FAM120B: variants seen among roughly 807,000 people sequenced by gnomAD.
FAM120B encodes the protein family with sequence similarity 120 member B.
Under a neutral mutation model 96.3 loss-of-function variants are expected in FAM120B, and 83 were observed. The ratio of observed to expected loss-of-function variants is 0.86; its 90% CI spans 0.72 to 1.03. FAM120B has a LOEUF of 1.03. FAM120B is among the 50% of genes least tolerant of loss of function. The pLI is 0.00. For missense variants in FAM120B, 1,027 were observed against 1,121.2 expected, an observed-to-expected ratio of 0.92 and a Z score of 1.20; for synonymous variants, 407 against 402.7, an observed-to-expected ratio of 1.01 and a Z score of -0.13.
At position 170,315,926 on chromosome 6, in the gene FAM120B, GA is replaced by G. The variant is rs1448866391; in HGVS notation, c.-21-1431del. On this transcript the variant is annotated intron_variant, in intron 1 of 10. Coordinates refer to ENST00000476287, the MANE Select transcript of FAM120B (RefSeq NM_032448.3). ...ACATAGTGAGATCTTGTCTCCACTG[GA>G]AAAAAAAAAAAAGGCCAGGTGTGGT... is the stretch of plus-strand genomic sequence containing the variant. Among the ~76,000 whole-genome samples the G allele has an allele frequency of 5.6e-3, 766 of 137,682 alleles. 2 individuals carry two copies. Among genetic ancestry groups the G allele is most frequent in the African/African-American group, 0.014 (519 of 37,284 alleles). The allele number at this position is 137,682 out of a possible 152,430, so 90.3% of individuals were successfully genotyped here. A position where few individuals can be genotyped will look rare whatever the true frequency, so the allele number is the denominator to read the frequency against.
intron 6 of FAM120B, among the ~76,000 whole-genome samples, chr6:170,386,215 G>T (rs1790178512): frequency 6.6e-6 from 1 of 152,202 alleles, no homozygotes. Context: ...GAAGCAGAGG[G>T]TATGTGGGAA....
intron 1 of FAM120B, among the ~76,000 whole-genome samples, chr6:170,307,796 T>C (rs1166979803): frequency 6.6e-6 from 1 of 152,068 alleles, no homozygotes; most frequent in Non-Finnish European, 1.5e-5. Context: ...AAGGCTTTTG[T>C]CGTCGTTCAG....
intron 9 of FAM120B, among the ~76,000 whole-genome samples, chr6:170,395,865 G>A (rs1229578591): frequency 6.6e-6 from 1 of 152,148 alleles, no homozygotes; most frequent in African/African-American, 2.4e-5. Context: ...GAAGGTACTT[G>A]TAAAGTTTAC....
chr6:170,404,641 A>G (rs1407034143), intron 10 of FAM120B, 40 bp downstream of exon 10: 16 of 1,444,598 alleles, frequency 1.1e-5, no homozygotes, highest in Non-Finnish European at 1.6e-5. Flanking sequence ...AATCAGTCAC[A>G]TGTCTGTCTT....
At chr6:170,360,390 C>T (rs1275385277) in intron 6 of FAM120B, among the ~76,000 whole-genome samples, 1 of 152,132 alleles carries the variant, frequency 6.6e-6, no homozygotes, top group Non-Finnish European at 1.5e-5. Flanking sequence ...ATGTGCACAC[C>T]CTTGCCATGT....
chr6:170,384,898 T>G (rs2115300673), intron 6 of FAM120B, among the ~76,000 whole-genome samples: 1 of 152,314 alleles, frequency 6.6e-6, no homozygotes, highest in South Asian at 2.1e-4. Context: ...CTATGGAGCT[T>G]TAACAAAGCC....
chr6:170,326,457 T>A (rs1299448309), intron 3 of FAM120B, among the ~76,000 whole-genome samples: 2 of 152,216 alleles, frequency 1.3e-5, no homozygotes, highest in Non-Finnish European at 2.9e-5. Flanking sequence ...TTTCAGAATG[T>A]TACATAAATG....
chr6:170,325,945 TCAC>T (rs979133000), intron 3 of FAM120B, among the ~76,000 whole-genome samples: 2 of 152,050 alleles, frequency 1.3e-5, no homozygotes, highest in Admixed American at 6.5e-5. Context: ...ATCTTTAACA[TCAC>T]CATTTACTAT....
chr6:170,341,550 A>C (rs189817038), intron 4 of FAM120B, among the ~76,000 whole-genome samples: 1 of 152,104 alleles, frequency 6.6e-6, no homozygotes, highest in African/African-American at 2.4e-5. Context: ...TACAAAAAAA[A>C]ACTCCTGCAG....
At chr6:170,351,224 A>G (rs1787555326) in intron 5 of FAM120B, among the ~76,000 whole-genome samples, 1 of 152,240 alleles carries the variant, frequency 6.6e-6, no homozygotes, top group South Asian at 2.1e-4. Context: ...TTCTGAATTA[A>G]GATAGGCAGA....
chr6:170,302,186 C>T (rs78790941), upstream of FAM120B, among the ~76,000 whole-genome samples: 301 of 152,320 alleles, frequency 2.0e-3, 3 homozygotes, highest in African/African-American at 6.9e-3. Context: ...AACTTACAAT[C>T]GTGTTGGAAG....
chr6:170,328,567 T>C (rs2115058135), intron 3 of FAM120B, among the ~76,000 whole-genome samples: 1 of 152,364 alleles, frequency 6.6e-6, no homozygotes, highest in Non-Finnish European at 1.5e-5. Context: ...CTAGCTGTCT[T>C]TGCAATTCCT....
chr6:170,293,985 G>C (rs1783943280), upstream of FAM120B, among the ~76,000 whole-genome samples: 1 of 152,130 alleles, frequency 6.6e-6, no homozygotes, highest in Non-Finnish European at 1.5e-5. Context: ...GAGCCCTTAG[G>C]GATTCGAGCT....
chr6:170,337,273 T>A (rs776047554), intron 4 of FAM120B, among the ~76,000 whole-genome samples: 1 of 152,256 alleles, frequency 6.6e-6, no homozygotes, highest in Non-Finnish European at 1.5e-5. Flanking sequence ...AGGCCTTTTC[T>A]GCATCTATTG....
intron 4 of FAM120B, among the ~76,000 whole-genome samples, chr6:170,333,500 A>T (rs1171921096): frequency 6.8e-6 from 1 of 147,570 alleles, no homozygotes; most frequent in Non-Finnish European, 1.5e-5. Flanking sequence ...ACATGCATAT[A>T]TTTCTGTGAG....
chr6:170,298,073 AT>A (rs1784058826), intron 1 of FAM120B: 1 of 152,232 alleles, frequency 6.6e-6, no homozygotes. Context: ...CTTTAGTGCC[AT>A]TGTGGACTCA....
intron 2 of FAM120B, among the ~76,000 whole-genome samples, chr6:170,322,286 T>C (rs540334124): frequency 6.6e-6 from 1 of 152,266 alleles, no homozygotes; most frequent in South Asian, 2.1e-4. Flanking sequence ...CAGCTTACAG[T>C]TTAATAAGGG....
In FAM120B at chr6:170,388,267, G is replaced by A. The variant is rs1478389097; in HGVS notation, c.2284-20G>A. On this transcript the variant is annotated intron_variant, in intron 6 of 10. Coordinates refer to ENST00000476287, the MANE Select transcript of FAM120B (RefSeq NM_032448.3). Reference sequence around the variant, plus strand: ...GTGACTCCTGTCTTACATTTTTGGTGTGTGTTCTGGTCTCCACAGCCTGAT... The same window carrying A: ...GTGACTCCTGTCTTACATTTTTGGTATGTGTTCTGGTCTCCACAGCCTGAT... 3.1e-6 allele frequency: 5 copies of A among 1,610,262 alleles called. No homozygotes were observed. The highest frequency in any genetic ancestry group is 2.7e-5 in the African/African-American group (2 of 74,780).
intron 2 of FAM120B, 24 bp from the exon 3 acceptor site, chr6:170,323,055 C>T: frequency 6.3e-7 from 1 of 1,581,000 alleles, no homozygotes; most frequent in South Asian, 1.2e-5. Context: ...AGGAGAAATT[C>T]AGTTGTATTT....
Sources: allele counts gnomAD v4.1 joint callset (sites outside exome capture counted in the v4.1 genomes callset), GRCh38; gene constraint gnomAD v4.1.1; transcripts MANE v1.5; gene names NCBI Gene and HGNC (gene_info 2026-07-23, HGNC 2026-07-21).